The following ZNF362 variants were observed in gnomAD, a reference collection of about 807,000 sequenced individuals.
ZNF362 encodes the protein rotund homolog.
Under a neutral mutation model 42.9 loss-of-function variants are expected in ZNF362, and 11 were observed. The observed-to-expected ratio is 0.26, with a 90% confidence interval of 0.16 to 0.42. The LOEUF (loss-of-function observed/expected upper bound fraction) is 0.42, where lower values mean the gene tolerates loss of function less well. ZNF362 is among the 20% of genes least tolerant of loss of function. The pLI, the probability that ZNF362 is intolerant of heterozygous loss-of-function variation, is 1.00. For missense variants in ZNF362, 362 were observed against 576.2 expected (o/e 0.63, Z 3.81); for synonymous variants, 255 against 257.3 (o/e 0.99, Z 0.09).
the ZNF362 span, among the ~76,000 whole-genome samples, chr1:33,198,163 A>G: frequency 5.9e-5 from 9 of 152,326 alleles, no homozygotes; most frequent in South Asian, 4.1e-4. Flanking sequence ...CTAGCATCCA[A>G]TAAAAAATTA....
Position 33,281,820 on chromosome 1 carries a change from C to T in ZNF362, c.908+9C>T, listed in dbSNP as rs773555609. ...CTCCAGCAGCACACCAGGTGAGTGG[C>T]CTGCCTGCTGCCCTGCTGCAGCCCG... On this transcript the variant is annotated intron_variant, in intron 6 of 8. Coordinates refer to ENST00000539719, the MANE Select transcript of ZNF362 (RefSeq NM_152493.3). This position sits in a 1 kb window ranked among gnomAD's most constrained non-coding sequence, Gnocchi z 4.8. 3.1e-6 allele frequency: 5 copies of T among 1,613,342 alleles called. No homozygotes were observed. The highest frequency in any genetic ancestry group is 3.4e-6 in the Non-Finnish European group (4 of 1,179,382).
At chr1:33,163,965 A>G in the ZNF362 span, 2 of 152,706 alleles carry the variant, frequency 1.3e-5, no homozygotes, top group Non-Finnish European at 2.9e-5. Context: ...GGAGAAAAAC[A>G]AAGAGGGTGT....
intron 2 of ZNF362, among the ~76,000 whole-genome samples, chr1:33,271,757 CTG>C (rs1299784019): frequency 2.7e-5 from 4 of 150,384 alleles, no homozygotes; most frequent in Non-Finnish European, 4.4e-5. Context: ...TGGTAGATCA[CTG>C]TGTGTCTGCA....
At chr1:33,206,047 G>T in the ZNF362 span, among the ~76,000 whole-genome samples, 18 of 152,014 alleles carry the variant, frequency 1.2e-4, no homozygotes, top group Admixed American at 1.1e-3. Flanking sequence ...TTTGAGAAAA[G>T]ATAATCTTTT....
the ZNF362 span, among the ~76,000 whole-genome samples, chr1:33,223,445 G>A: frequency 7.9e-3 from 1,207 of 152,248 alleles, 12 homozygotes; most frequent in Non-Finnish European, 0.013. Context: ...CTTTATCAGC[G>A]GCATGAAAAT....
At chr1:33,283,297 T>C (rs1204974717) in intron 6 of ZNF362, among the ~76,000 whole-genome samples, 1 of 152,174 alleles carries the variant, frequency 6.6e-6, no homozygotes, top group Non-Finnish European at 1.5e-5. Context: ...TTTTTTTGTT[T>C]TTGTCATTTA....
chr1:33,157,059 G>C, the ZNF362 span, among the ~76,000 whole-genome samples: 1 of 150,692 alleles, frequency 6.6e-6, no homozygotes, highest in East Asian at 2.0e-4. Flanking sequence ...CAACCCACTA[G>C]CCAAAGGGAT....
chr1:33,242,083 G>A, the ZNF362 span, among the ~76,000 whole-genome samples: 2 of 152,224 alleles, frequency 1.3e-5, no homozygotes, highest in Non-Finnish European at 2.9e-5. Context: ...TGAGGAGGCT[G>A]TGGACACGTG....
chr1:33,189,655 A>ATATATATATATATATATATG, the ZNF362 span, among the ~76,000 whole-genome samples: 1 of 23,336 alleles, frequency 4.3e-5, no homozygotes, highest in African/African-American at 8.0e-5. Flanking sequence ...ATATATATAT[A>ATATATATATATATATATATG]TATATATATA....
the ZNF362 span, among the ~76,000 whole-genome samples, chr1:33,230,432 A>T: frequency 2.0e-5 from 3 of 152,300 alleles, no homozygotes; most frequent in South Asian, 6.2e-4. Context: ...CGTTTTACCA[A>T]GGAAAGGAAA....
the ZNF362 span, among the ~76,000 whole-genome samples, chr1:33,201,183 C>T: frequency 6.6e-6 from 1 of 152,182 alleles, no homozygotes; most frequent in East Asian, 1.9e-4. Context: ...AGAGACAAAG[C>T]CACAATGATA....
the ZNF362 span, among the ~76,000 whole-genome samples, chr1:33,242,417 A>T: frequency 6.6e-6 from 1 of 152,148 alleles, no homozygotes; most frequent in African/African-American, 2.4e-5. Flanking sequence ...TAGGATAAGG[A>T]TGAACTTTTA....
At chr1:33,268,399 TTAAAAGA>T (rs1400146167) in intron 1 of ZNF362, among the ~76,000 whole-genome samples, 22 of 152,260 alleles carry the variant, frequency 1.4e-4, no homozygotes, top group African/African-American at 5.3e-4. Flanking sequence ...TGTGCAGGGC[TTAAAAGA>T]TAAATGATTC....
the ZNF362 span, among the ~76,000 whole-genome samples, chr1:33,217,346 C>T: frequency 6.6e-6 from 1 of 152,158 alleles, no homozygotes; most frequent in Non-Finnish European, 1.5e-5. Context: ...TAACCTTGGC[C>T]AATTCCCTTG....
chr1:33,213,618 G>A, the ZNF362 span, among the ~76,000 whole-genome samples: 225 of 152,112 alleles, frequency 1.5e-3, 1 homozygote, highest in Non-Finnish European at 9.7e-4. Flanking sequence ...AGGCCGAGGC[G>A]GGTGGATCAC....
At chr1:33,249,319 CA>C in the ZNF362 span, among the ~76,000 whole-genome samples, 2 of 152,120 alleles carry the variant, frequency 1.3e-5, no homozygotes, top group Non-Finnish European at 2.9e-5. Flanking sequence ...GCACCGAGGC[CA>C]AGGGGGAAAA....
intron 6 of ZNF362, among the ~76,000 whole-genome samples, chr1:33,288,239 C>A (rs577257968): frequency 6.6e-6 from 1 of 152,292 alleles, no homozygotes; most frequent in African/African-American, 2.4e-5. Flanking sequence ...GATTTGAGTG[C>A]AGAGCACCAA....
rs1272885554 is a variant in ZNF362, at chr1:33,280,209, G to A, written c.435G>A (p.Pro145=). ...GAGTGTGTST[P]STPTTTSQSR... is the part of the protein sequence containing the mutation. Reference sequence around the variant, plus strand: ...GCACGGGCACGGGTACCAGCACCCCGTCCACACCCACCACCACCAGCCAGA... The same window carrying A: ...GCACGGGCACGGGTACCAGCACCCCATCCACACCCACCACCACCAGCCAGA... Residue 145 remains proline (P), a synonymous_variant, in exon 5 of 9, where the codon CCG becomes CCA. Transcript: ENST00000539719. This position sits in a 1 kb window ranked among gnomAD's most constrained non-coding sequence, Gnocchi z 5.6. The A allele has an allele frequency of 3.1e-6, 5 of 1,613,656 alleles. No homozygotes were observed. Among genetic ancestry groups the A allele is most frequent in the Middle Eastern group, 1.6e-4 (1 of 6,082 alleles).
At chr1:33,254,127 G>A (rs201084866), upstream of ZNF362, among the ~76,000 whole-genome samples, 7 of 12,542 alleles carry the variant, frequency 5.6e-4, no homozygotes, top group South Asian at 0.013. Context: ...TTAGTAGTTC[G>A]TCTGTTTTTT....
Sources: gnomAD v4.1 joint callset for allele counts (sites outside exome capture counted in the v4.1 genomes callset) on GRCh38, gnomAD v4.1.1 for gene constraint, Gnocchi (gnomAD v3.1) non-coding constraint, MANE v1.5 for transcripts, NCBI Gene and HGNC (gene_info 2026-07-23, HGNC 2026-07-21) for gene names.